Variants in ARB2A observed in about 807,000 individuals in gnomAD.
ARB2A encodes the protein ARB2 cotranscriptional regulator A, also known as cotranscriptional regulator ARB2A.
the ARB2A span, among the ~76,000 whole-genome samples, chr5:93,764,236 T>C: frequency 6.6e-6 from 1 of 152,186 alleles, no homozygotes; most frequent in Non-Finnish European, 1.5e-5. Context: ...CAAAAAACCC[T>C]TCAAAAAATT....
At chr5:94,080,061 G>GA in the ARB2A span, among the ~76,000 whole-genome samples, 1 of 151,834 alleles carries the variant, frequency 6.6e-6, no homozygotes, top group Non-Finnish European at 1.5e-5. Context: ...AATTTCAAAA[G>GA]AAAAAAATTT....
the ARB2A span, among the ~76,000 whole-genome samples, chr5:94,089,594 T>TACACACACACACACAC: frequency 1.1e-3 from 145 of 135,652 alleles, 1 homozygote; most frequent in Admixed American, 2.5e-3. Flanking sequence ...AAACCGTTTA[T>TACACACACACACACAC]ACACACACAC....
At chr5:94,037,796 T>C in the ARB2A span, among the ~76,000 whole-genome samples, 1 of 152,170 alleles carries the variant, frequency 6.6e-6, no homozygotes, top group African/African-American at 2.4e-5. Flanking sequence ...TTGTTCCTAG[T>C]TTCAAATATG....
chr5:93,727,140 C>T, the ARB2A span, among the ~76,000 whole-genome samples: 17 of 151,924 alleles, frequency 1.1e-4, no homozygotes, highest in East Asian at 3.3e-3. Flanking sequence ...AGAAAATATA[C>T]CAGGAAACAA....
At chr5:93,879,577 A>G in the ARB2A span, among the ~76,000 whole-genome samples, 1 of 151,894 alleles carries the variant, frequency 6.6e-6, no homozygotes, top group Non-Finnish European at 1.5e-5. Context: ...CATAAAAAGA[A>G]TGTTGTTTCC....
the ARB2A span, among the ~76,000 whole-genome samples, chr5:94,072,203 G>A: frequency 6.6e-6 from 1 of 152,118 alleles, no homozygotes; most frequent in African/African-American, 2.4e-5. Context: ...ATGATTGCCA[G>A]GAGACAGAGA....
chr5:93,742,160 A>AC, the ARB2A span, among the ~76,000 whole-genome samples: 3 of 150,646 alleles, frequency 2.0e-5, no homozygotes, highest in Admixed American at 2.0e-4. Context: ...CCCCGACCCC[A>AC]CCCCCAAACT....
chr5:93,728,694 T>C, the ARB2A span, among the ~76,000 whole-genome samples: 1 of 151,896 alleles, frequency 6.6e-6, no homozygotes, highest in Non-Finnish European at 1.5e-5. Context: ...ATTACATTAG[T>C]TCCTGGAAGA....
At chr5:93,897,882 C>T in the ARB2A span, among the ~76,000 whole-genome samples, 2 of 151,770 alleles carry the variant, frequency 1.3e-5, no homozygotes, top group Non-Finnish European at 2.9e-5. Context: ...TTAGGAAGGT[C>T]TCAGAGGGTA....
At chr5:93,704,989 T>C in the ARB2A span, among the ~76,000 whole-genome samples, 5 of 152,114 alleles carry the variant, frequency 3.3e-5, no homozygotes, top group African/African-American at 1.2e-4. Flanking sequence ...TGTTGGAAAA[T>C]ATCAAGATGC....
At chr5:94,091,463 A>G in the ARB2A span, among the ~76,000 whole-genome samples, 1 of 152,228 alleles carries the variant, frequency 6.6e-6, no homozygotes, top group Non-Finnish European at 1.5e-5. Context: ...AACAGGATAC[A>G]GATCATTAAT....
At chr5:93,699,688 T>C in the ARB2A span, among the ~76,000 whole-genome samples, 2 of 152,030 alleles carry the variant, frequency 1.3e-5, no homozygotes, top group Non-Finnish European at 2.9e-5. Context: ...CCTTCACAGT[T>C]AGACAACAGC....
the ARB2A span, among the ~76,000 whole-genome samples, chr5:93,882,214 C>G: frequency 4.6e-5 from 7 of 151,302 alleles, no homozygotes; most frequent in Non-Finnish European, 8.9e-5. Context: ...TTTAACATTA[C>G]AAAACCATCC....
At chr5:93,741,133 TG>T in the ARB2A span, 1 of 1,613,888 alleles carries the variant, frequency 6.2e-7, no homozygotes, top group Non-Finnish European at 8.5e-7. Flanking sequence ...CACATCGGCC[TG>T]CGAGTACCCT....
the ARB2A span, chr5:93,910,717 A>G: frequency 3.3e-5 from 5 of 151,484 alleles, no homozygotes; most frequent in Non-Finnish European, 7.4e-5. Flanking sequence ...TCAAGCAATC[A>G]TAATTGTCAA....
the ARB2A span, among the ~76,000 whole-genome samples, chr5:93,724,545 T>C: frequency 7.2e-5 from 11 of 152,090 alleles, no homozygotes; most frequent in Non-Finnish European, 1.6e-4. Context: ...TAGTTAAAAT[T>C]ATGTCTTGTA....
the ARB2A span, among the ~76,000 whole-genome samples, chr5:93,999,638 A>C: frequency 6.6e-6 from 1 of 151,972 alleles, no homozygotes. Context: ...AGAGTGATAC[A>C]TTGACTGCAA....
At chr5:93,994,317 T>A in the ARB2A span, among the ~76,000 whole-genome samples, 3 of 152,170 alleles carry the variant, frequency 2.0e-5, no homozygotes, top group Non-Finnish European at 4.4e-5. Context: ...ACACACACAA[T>A]GAAATAGTTT....
At chr5:94,058,529 T>G in the ARB2A span, among the ~76,000 whole-genome samples, 3 of 152,130 alleles carry the variant, frequency 2.0e-5, no homozygotes, top group Middle Eastern at 3.2e-3. Context: ...TGGAAGAAAT[T>G]TAAGCTTCTA....
Sources: allele counts gnomAD v4.1 joint callset (sites outside exome capture counted in the v4.1 genomes callset), GRCh38; gene constraint gnomAD v4.1.1; transcripts MANE v1.5; gene names NCBI Gene and HGNC (gene_info 2026-07-23, HGNC 2026-07-21).